Variants in CCDC69 observed in about 807,000 individuals in gnomAD.
The protein encoded by CCDC69 is coiled-coil domain containing 69, also known as coiled-coil domain-containing protein 69.
CCDC69 carries 38 observed loss-of-function variants against 40.3 expected under a neutral mutation model. That is an observed-to-expected ratio of 0.94 (90% CI 0.73 to 1.24). CCDC69 has a LOEUF of 1.24. Among genes scored for constraint, CCDC69 ranks in the 50% most tolerant of loss-of-function variants. The pLI is 0.00. For synonymous variants in CCDC69, 141 were observed against 138.9 expected (o/e 1.02, Z -0.11); for missense variants, 389 against 357.9 (o/e 1.09, Z -0.70).
intron 2 of CCDC69, among the ~76,000 whole-genome samples, chr5:151,203,119 C>G (rs1752799045): frequency 6.6e-6 from 1 of 152,020 alleles, no homozygotes; most frequent in Non-Finnish European, 1.5e-5. Context: ...TCAAAGTCAC[C>G]CAGTTCAAAA....
intron 1 of CCDC69, among the ~76,000 whole-genome samples, chr5:151,213,987 A>C (rs1752995047): frequency 4.6e-5 from 7 of 152,164 alleles, no homozygotes; most frequent in Admixed American, 4.6e-4. Context: ...AGCTGACTCC[A>C]ATCCCCACCT....
intron 1 of CCDC69, 123 bp from the exon 2 acceptor site, chr5:151,205,598 C>T: frequency 1.3e-6 from 1 of 787,660 alleles, no homozygotes; most frequent in South Asian, 1.7e-5. Flanking sequence ...AGACCCTGCC[C>T]CACGCCTGCG....
intron 1 of CCDC69, among the ~76,000 whole-genome samples, chr5:151,208,763 GT>G (rs1239892385): frequency 6.6e-6 from 1 of 152,224 alleles, no homozygotes; most frequent in Non-Finnish European, 1.5e-5. Flanking sequence ...CTCAGACAAT[GT>G]TTTTATGGGA....
At chr5:151,185,355 T>G in intron 7 of CCDC69, 67 bp downstream of exon 7, 1 of 1,584,288 alleles carries the variant, frequency 6.3e-7, no homozygotes, top group South Asian at 1.1e-5. Context: ...TCTGCATGCT[T>G]TACAAAGGAA....
At chr5:151,210,058 T>C (rs1310577565) in intron 1 of CCDC69, among the ~76,000 whole-genome samples, 2 of 152,214 alleles carry the variant, frequency 1.3e-5, no homozygotes, top group Non-Finnish European at 2.9e-5. Flanking sequence ...TATGCAATGA[T>C]ATTACATATA....
rs952593198 is a variant in CCDC69, at chr5:151,182,896, C to G, written c.*541G>C. 5.3e-6 allele frequency: 2 copies of G among 376,910 alleles called. No individual in the cohort carries two copies. The highest frequency in any genetic ancestry group is 1.1e-5 in the Non-Finnish European group (2 of 187,686). The allele number at this position is 376,910 out of a possible 1,614,324, so 23.3% of individuals were successfully genotyped here. A position where few individuals can be genotyped will look rare whatever the true frequency, so the allele number is the denominator to read the frequency against. On this transcript the variant is annotated 3_prime_UTR_variant, in exon 9 of 9. Transcript: ENST00000355417. ...TTTGCGGGGTTTGTCCACACTCCCC[C>G]CAACCCCTACTCTGGCCTTCAGACA...
chr5:151,200,852 A>T (rs1477098533), intron 3 of CCDC69, among the ~76,000 whole-genome samples: 1 of 152,202 alleles, frequency 6.6e-6, no homozygotes, highest in East Asian at 1.9e-4. Context: ...CTGATCCCAC[A>T]GCCTTGGTTA....
intron 4 of CCDC69, 68 bp from the exon 5 acceptor site, chr5:151,187,527 TGGCCAGGAA>T: frequency 7.4e-7 from 1 of 1,352,684 alleles, no homozygotes; most frequent in East Asian, 2.3e-5. Context: ...GGCCCCTTGG[TGGCCAGGAA>T]GGTCCAGATA....
intron 4 of CCDC69, among the ~76,000 whole-genome samples, chr5:151,193,270 T>C (rs1752647197): frequency 6.7e-6 from 1 of 150,080 alleles, no homozygotes; most frequent in African/African-American, 2.5e-5. Context: ...TCCCAGCACT[T>C]TGGGAGGGAA....
At chr5:151,201,234 GTTC>G (rs1466883193) in intron 3 of CCDC69, among the ~76,000 whole-genome samples, 1 of 152,160 alleles carries the variant, frequency 6.6e-6, no homozygotes, top group African/African-American at 2.4e-5. Flanking sequence ...AGTGACACTG[GTTC>G]TTCTTTCTAT....
intron 4 of CCDC69, among the ~76,000 whole-genome samples, chr5:151,194,923 T>C (rs1178970014): frequency 6.8e-6 from 1 of 146,866 alleles, no homozygotes; most frequent in African/African-American, 2.5e-5. Context: ...AATCTATACA[T>C]GCATTAGAAT....
At chr5:151,214,144 A>T (rs1294851336) in intron 1 of CCDC69, among the ~76,000 whole-genome samples, 1 of 152,240 alleles carries the variant, frequency 6.6e-6, no homozygotes, top group African/African-American at 2.4e-5. Context: ...TGCCAGGGTC[A>T]GCTTTATCTG....
intron 2 of CCDC69, among the ~76,000 whole-genome samples, chr5:151,203,275 C>T (rs946650681): frequency 2.6e-5 from 4 of 151,740 alleles, no homozygotes; most frequent in South Asian, 2.1e-4. Flanking sequence ...TTTGGGAGGC[C>T]GAGGTGAGCA....
chr5:151,221,819 G>A (rs1416512407), intron 1 of CCDC69, among the ~76,000 whole-genome samples: 2 of 152,242 alleles, frequency 1.3e-5, no homozygotes, highest in Non-Finnish European at 2.9e-5. Context: ...CCCATCCCTG[G>A]AGTCCCCCTC....
chr5:151,216,104 A>G (rs537214503), intron 1 of CCDC69, among the ~76,000 whole-genome samples: 2 of 152,304 alleles, frequency 1.3e-5, no homozygotes, highest in South Asian at 2.1e-4. Context: ...GACTACAGGC[A>G]TGTGCCACCA....
intron 3 of CCDC69, 99 bp from the exon 4 acceptor site, chr5:151,199,183 G>T: frequency 1.1e-6 from 1 of 920,152 alleles, no homozygotes; most frequent in South Asian, 1.3e-5. Context: ...GGTGACCAGA[G>T]TCCTAACCCT....
At chr5:151,193,174 T>A (rs978868806) in intron 4 of CCDC69, among the ~76,000 whole-genome samples, 1 of 151,978 alleles carries the variant, frequency 6.6e-6, no homozygotes, top group Non-Finnish European at 1.5e-5. Flanking sequence ...TAGGGATAAC[T>A]ATATTTGAAA....
intron 4 of CCDC69, among the ~76,000 whole-genome samples, chr5:151,191,857 G>A (rs1752616583): frequency 6.6e-6 from 1 of 152,012 alleles, no homozygotes; most frequent in African/African-American, 2.4e-5. Context: ...GGCGGAGTCA[G>A]GAGGACTGCT....
At chr5:151,214,694 C>T (rs1054173321) in intron 1 of CCDC69, among the ~76,000 whole-genome samples, 7 of 152,196 alleles carry the variant, frequency 4.6e-5, no homozygotes, top group Non-Finnish European at 5.9e-5. Context: ...ACCGGGGACA[C>T]GGCCTATGCT....
Sources: gnomAD v4.1 joint callset for allele counts (sites outside exome capture counted in the v4.1 genomes callset) on GRCh38, gnomAD v4.1.1 for gene constraint, MANE v1.5 for transcripts, NCBI Gene and HGNC (gene_info 2026-07-23, HGNC 2026-07-21) for gene names.